The following EIF2B3 variants were observed in gnomAD, a reference collection of about 807,000 sequenced individuals.
The protein encoded by EIF2B3 is translation initiation factor eIF2B subunit gamma.
In EIF2B3, 20 loss-of-function variants were observed where a neutral mutation model predicts 54.1. That is an observed-to-expected ratio of 0.37 (90% CI 0.26 to 0.54). The LOEUF (loss-of-function observed/expected upper bound fraction) is 0.54, where lower values mean the gene tolerates loss of function less well. EIF2B3 is among the 20% of genes least tolerant of loss of function. The pLI, the probability that EIF2B3 is intolerant of heterozygous loss-of-function variation, is 0.86. For missense variants in EIF2B3, 448 were observed against 547.8 expected, an observed-to-expected ratio of 0.82 and a Z score of 1.82; for synonymous variants, 153 against 188.1, an observed-to-expected ratio of 0.81 and a Z score of 1.52.
At chr1:44,862,130 A>C (rs1450862084) in intron 10 of EIF2B3, among the ~76,000 whole-genome samples, 1 of 152,198 alleles carries the variant, frequency 6.6e-6, no homozygotes, top group African/African-American at 2.4e-5. Context: ...AGAAGAGGTG[A>C]GTTCCTATAG....
At chr1:44,901,965 T>C (rs1434809969) in intron 5 of EIF2B3, among the ~76,000 whole-genome samples, 1 of 152,174 alleles carries the variant, frequency 6.6e-6, no homozygotes, top group Admixed American at 6.5e-5. Context: ...CTGTAATCCA[T>C]TTTCTTTTTT....
chr1:44,888,754 C>CA (rs1355090034), intron 6 of EIF2B3, among the ~76,000 whole-genome samples: 2 of 152,098 alleles, frequency 1.3e-5, no homozygotes, highest in Non-Finnish European at 2.9e-5. Context: ...TTGAAACAAA[C>CA]AAAAAAACTG....
At position 44,966,454 on chromosome 1, in the gene EIF2B3, A is replaced by AAG. The variant is rs1553180019; in HGVS notation, c.294+11860_294+11861insCT. Among the ~76,000 whole-genome samples, 26 of 150,796 alleles carry AAG rather than the reference A, an allele frequency of 1.7e-4. No individual in the cohort carries two copies. The South Asian group carries it at 2.7e-3, about 16-fold the overall frequency. The stretch of plus-strand genomic sequence containing the variant: ...ACTCTGTCTCAAAAAAAAAAAAAAA[A>AAG]AAGAAGAAGAAGAAGCCTGGCACTA... On this transcript the variant is annotated intron_variant, in intron 3 of 11. Coordinates refer to ENST00000360403, the MANE Select transcript of EIF2B3 (RefSeq NM_020365.5).
chr1:44,881,130 G>A lies in EIF2B3; in HGVS notation c.784+482C>T, dbSNP rs976286770. On this transcript the variant is annotated intron_variant, in intron 7 of 11. Transcript: ENST00000360403. The surrounding 1 kb of genome is among the most constrained non-coding windows in gnomAD (Gnocchi z 4.0). ...TCTACTATGAGTCCACGACTGGGCC[G>A]GGGATTAGGGATATGACAGCAAACA... Among the ~76,000 whole-genome samples, 7 of 152,162 alleles carry A rather than the reference G, an allele frequency of 4.6e-5. No homozygotes were observed. Among genetic ancestry groups the A allele is most frequent in the African/African-American group, 1.7e-4 (7 of 41,428 alleles).
In EIF2B3 at chr1:44,917,755, C is replaced by CTTTTTTT. The variant is rs869139321; in HGVS notation, c.566+8866_566+8872dup. On this transcript the variant is annotated intron_variant, in intron 5 of 11. Coordinates refer to ENST00000360403, the MANE Select transcript of EIF2B3 (RefSeq NM_020365.5). ...TATTTATTTTGCCACCAATAACACT[C>CTTTTTTT]TTTTTTTTTTTTTTTTTTTTTTTTT... is the stretch of plus-strand genomic sequence containing the variant. Among the ~76,000 whole-genome samples the CTTTTTTT allele has an allele frequency of 1.6e-4, 7 of 44,240 alleles. 2 individuals are homozygous for CTTTTTTT. The highest frequency in any genetic ancestry group is 3.3e-4 in the African/African-American group (5 of 14,956). 29.0% of individuals were successfully genotyped at this position (44,240 alleles called of 152,430 possible).
chr1:44,960,464 C>T (rs1455726883), intron 3 of EIF2B3, among the ~76,000 whole-genome samples: 1 of 151,894 alleles, frequency 6.6e-6, no homozygotes, highest in African/African-American at 2.4e-5. Context: ...ACGGTGAAAC[C>T]CCGTCTCTAC....
At chr1:44,955,253 A>C (rs1644209580) in intron 3 of EIF2B3, among the ~76,000 whole-genome samples, 1 of 152,236 alleles carries the variant, frequency 6.6e-6, no homozygotes, top group Non-Finnish European at 1.5e-5. Context: ...TGACAAAAAC[A>C]AGAAATGAGG....
chr1:44,926,401 T>C (rs1331864126), intron 5 of EIF2B3, among the ~76,000 whole-genome samples: 1 of 152,120 alleles, frequency 6.6e-6, no homozygotes, highest in East Asian at 1.9e-4. Flanking sequence ...GCTGCTTTGC[T>C]TTACTCTTTT....
rs550132010 is a variant in EIF2B3 at position 44,881,495 on chromosome 1, C to T, written c.784+117G>A. The T allele has an allele frequency of 1.4e-6, 2 of 1,416,284 alleles. No individual in the cohort carries two copies. Among genetic ancestry groups the T allele is most frequent in the African/African-American group, 2.8e-5 (2 of 71,030 alleles). The allele number at this position is 1,416,284 out of a possible 1,614,324, so 87.7% of individuals were successfully genotyped here. ...TGGCAAGCCTGTCTTGCCTCGTAGGCTAGAAATAGTCTGCTGCCTTGAGTC... is the reference window on the plus strand; with the variant it reads ...TGGCAAGCCTGTCTTGCCTCGTAGGTTAGAAATAGTCTGCTGCCTTGAGTC... On this transcript the variant is annotated intron_variant, in intron 7 of 11. Coordinates refer to ENST00000360403, the MANE Select transcript of EIF2B3 (RefSeq NM_020365.5). The surrounding 1 kb of genome is among the most constrained non-coding windows in gnomAD (Gnocchi z 4.0).
chr1:44,929,303 C>T (rs951681158), intron 4 of EIF2B3, among the ~76,000 whole-genome samples: 4 of 152,070 alleles, frequency 2.6e-5, no homozygotes, highest in Admixed American at 6.6e-5. Context: ...GAATATGTTT[C>T]GCTGTTGGCT....
At chr1:44,915,444 C>T (rs1221638004) in intron 5 of EIF2B3, among the ~76,000 whole-genome samples, 1 of 152,084 alleles carries the variant, frequency 6.6e-6, no homozygotes, top group East Asian at 1.9e-4. Flanking sequence ...TCACTGCAGC[C>T]TTGGCCTCCC....
intron 6 of EIF2B3, among the ~76,000 whole-genome samples, chr1:44,894,039 C>T (rs1196863445): frequency 6.6e-6 from 1 of 152,118 alleles, no homozygotes. Flanking sequence ...GCAGCTCCTA[C>T]TAAGGCAAGC....
chr1:44,976,189 T>C (rs1644451108), intron 3 of EIF2B3, among the ~76,000 whole-genome samples: 1 of 152,174 alleles, frequency 6.6e-6, no homozygotes, highest in African/African-American at 2.4e-5. Context: ...GTGGAAAATA[T>C]TCACAACACA....
intron 4 of EIF2B3, among the ~76,000 whole-genome samples, chr1:44,939,562 T>C (rs754847863): frequency 1.3e-5 from 2 of 152,192 alleles, no homozygotes; most frequent in South Asian, 2.1e-4. Flanking sequence ...GGGATGGATA[T>C]GTTAACCTGT....
intron 10 of EIF2B3, among the ~76,000 whole-genome samples, chr1:44,865,449 A>G (rs983240244): frequency 3.9e-5 from 6 of 152,152 alleles, no homozygotes; most frequent in African/African-American, 2.4e-5. Flanking sequence ...GTCTGTGCAT[A>G]GGTATGAGTA....
At chr1:44,938,552 G>A (rs12127262) in intron 4 of EIF2B3, among the ~76,000 whole-genome samples, 33,522 of 151,274 alleles carry the variant, frequency 0.22, 4,042 homozygotes, top group Admixed American at 0.33. Context: ...CATGATCATG[G>A]TTCACTGTAG....
intron 5 of EIF2B3, among the ~76,000 whole-genome samples, chr1:44,907,515 G>A (rs1467588745): frequency 6.6e-6 from 1 of 152,152 alleles, no homozygotes; most frequent in African/African-American, 2.4e-5. Context: ...CCAAGATCGT[G>A]CCATTGCACT....
At chr1:44,911,987 G>A (rs1020183465) in intron 5 of EIF2B3, among the ~76,000 whole-genome samples, 2 of 150,570 alleles carry the variant, frequency 1.3e-5, no homozygotes, top group Non-Finnish European at 3.0e-5. Flanking sequence ...ATAGTTTACT[G>A]AGAATGATGA....
intron 3 of EIF2B3, among the ~76,000 whole-genome samples, chr1:44,957,463 T>C (rs936999900): frequency 3.9e-5 from 6 of 152,182 alleles, no homozygotes; most frequent in Non-Finnish European, 7.3e-5. Context: ...TAAAAAGATA[T>C]TTAACTTCAC....
Sources: allele counts gnomAD v4.1 joint callset (sites outside exome capture counted in the v4.1 genomes callset), GRCh38; gene constraint gnomAD v4.1.1; non-coding constraint Gnocchi (gnomAD v3.1); transcripts MANE v1.5; gene names NCBI Gene and HGNC (gene_info 2026-07-23, HGNC 2026-07-21).